The following NEGR1 variants were observed in gnomAD, a reference collection of about 807,000 sequenced individuals.
NEGR1 encodes IgLON family member 4.
In NEGR1, 10 loss-of-function variants were observed where a neutral mutation model predicts 40.9. The observed-to-expected ratio is 0.24, with a 90% CI of 0.15 to 0.42. The LOEUF (loss-of-function observed/expected upper bound fraction) is 0.42. Ranked by LOEUF, NEGR1 falls within the 10% of genes least tolerant of loss-of-function variation. The pLI, the probability that NEGR1 is intolerant of heterozygous loss-of-function variation, is 1.00. For synonymous variants in NEGR1, 185 were observed against 166.8 expected (o/e 1.11, Z -0.84); for missense variants, 352 against 438.9 (o/e 0.80, Z 1.77).
chr1:72,086,821 T>C (rs1279699611), intron 1 of NEGR1, among the ~76,000 whole-genome samples: 2 of 152,198 alleles, frequency 1.3e-5, no homozygotes, highest in African/African-American at 4.8e-5. Context: ...CTTTTTAAAG[T>C]ATTTATTAAT....
At chr1:72,203,051 A>G (rs751973978) in intron 1 of NEGR1, among the ~76,000 whole-genome samples, 3 of 152,034 alleles carry the variant, frequency 2.0e-5, no homozygotes, top group Non-Finnish European at 4.4e-5. Flanking sequence ...GTACAAAGAG[A>G]TTAATATTGT....
At chr1:71,586,347 C>T (rs144100071) in intron 6 of NEGR1, among the ~76,000 whole-genome samples, 2 of 152,274 alleles carry the variant, frequency 1.3e-5, no homozygotes, top group African/African-American at 4.8e-5. Context: ...GGCTTCAAGG[C>T]CGCTATGTAA....
chr1:71,603,863 GT>G (rs1649996697), intron 5 of NEGR1, among the ~76,000 whole-genome samples: 1 of 152,080 alleles, frequency 6.6e-6, no homozygotes, highest in African/African-American at 2.4e-5. Context: ...AATATTGTTA[GT>G]TTTTGCTAAT....
At chr1:71,739,091 C>T (rs2101673832) in intron 3 of NEGR1, among the ~76,000 whole-genome samples, 1 of 147,826 alleles carries the variant, frequency 6.8e-6, no homozygotes, top group East Asian at 2.1e-4. Flanking sequence ...AGCCTGTTGC[C>T]AAAGGAAATT....
intron 1 of NEGR1, among the ~76,000 whole-genome samples, chr1:72,239,700 A>G (rs1654672670): frequency 6.6e-6 from 1 of 151,744 alleles, no homozygotes; most frequent in Non-Finnish European, 1.5e-5. Context: ...AAAATTGCCT[A>G]ACAGCTTTCC....
intron 1 of NEGR1, among the ~76,000 whole-genome samples, chr1:72,153,774 T>C (rs1478894778): frequency 6.6e-6 from 1 of 151,770 alleles, no homozygotes; most frequent in Non-Finnish European, 1.5e-5. Context: ...GAAAAGATAC[T>C]GAAGTAGACT....
chr1:71,915,308 G>A (rs540646093), intron 2 of NEGR1, among the ~76,000 whole-genome samples: 1 of 151,958 alleles, frequency 6.6e-6, no homozygotes, highest in African/African-American at 2.4e-5. Context: ...CATCACTAAA[G>A]AATAGAAAAA....
rs539031580 is a variant in NEGR1, at chr1:71,401,845, C to A, written c.*5601G>T. The A allele has an allele frequency of 6.6e-6, 1 of 152,258 alleles. No homozygotes were observed. Among genetic ancestry groups the A allele is most frequent in the African/African-American group, 2.4e-5 (1 of 41,560 alleles). The allele number at this position is 152,258 out of a possible 1,614,324, so 9.4% of individuals were successfully genotyped here. A position where few individuals can be genotyped will look rare whatever the true frequency, so the allele number is the denominator to read the frequency against. On this transcript the variant is annotated 3_prime_UTR_variant, in exon 7 of 7. Transcript: ENST00000357731. ...TCCACTTGGTGTGACCAGTCTCATA[C>A]AACCCAAGGCTGTGTGTCCAAAGGC...
chr1:72,203,126 A>T (rs1226711329), intron 1 of NEGR1, among the ~76,000 whole-genome samples: 1 of 152,100 alleles, frequency 6.6e-6, no homozygotes, highest in East Asian at 1.9e-4. Context: ...TTTGACATTC[A>T]AATCTTATAA....
At chr1:72,195,135 A>T (rs2100436015) in intron 1 of NEGR1, among the ~76,000 whole-genome samples, 1 of 152,170 alleles carries the variant, frequency 6.6e-6, no homozygotes, top group East Asian at 1.9e-4. Context: ...TAGCCATTGA[A>T]ACAAGCCAAT....
chr1:71,963,408 G>T (rs777177983), intron 1 of NEGR1, among the ~76,000 whole-genome samples: 1 of 152,130 alleles, frequency 6.6e-6, no homozygotes, highest in Non-Finnish European at 1.5e-5. Flanking sequence ...GTGGAGGTTG[G>T]TTGGTCTTTT....
chr1:71,956,588 A>C (rs1646121637), intron 1 of NEGR1, among the ~76,000 whole-genome samples: 1 of 152,118 alleles, frequency 6.6e-6, no homozygotes, highest in Admixed American at 6.6e-5. Flanking sequence ...TGAGAAACAA[A>C]AATCAATGTT....
intron 3 of NEGR1, among the ~76,000 whole-genome samples, chr1:71,712,963 G>A (rs1355743510): frequency 2.0e-5 from 3 of 152,166 alleles, no homozygotes; most frequent in Non-Finnish European, 2.9e-5. Context: ...CATGCTTCCT[G>A]TACAGCCTGT....
chr1:71,917,937 G>A (rs1046725526), intron 2 of NEGR1, among the ~76,000 whole-genome samples: 1 of 151,310 alleles, frequency 6.6e-6, no homozygotes, highest in South Asian at 2.1e-4. Flanking sequence ...AACACATCAT[G>A]CCTGGCGTGG....
chr1:71,914,982 A>C (rs1007036279), intron 2 of NEGR1, among the ~76,000 whole-genome samples: 1 of 151,986 alleles, frequency 6.6e-6, no homozygotes, highest in Admixed American at 6.6e-5. Flanking sequence ...TTTGTTTATA[A>C]AGTCTTTTGG....
intron 3 of NEGR1, among the ~76,000 whole-genome samples, chr1:71,762,405 G>C (rs538938424): frequency 6.6e-6 from 1 of 151,980 alleles, no homozygotes. Context: ...TGCATATGTT[G>C]TATCAACTAT....
chr1:71,595,453 G>A (rs1649664781), intron 5 of NEGR1, among the ~76,000 whole-genome samples: 1 of 152,196 alleles, frequency 6.6e-6, no homozygotes, highest in Non-Finnish European at 1.5e-5. Flanking sequence ...CTGGAAGAAG[G>A]ACTTTGCAAA....
chr1:72,155,012 C>T (rs1051532354), intron 1 of NEGR1, among the ~76,000 whole-genome samples: 6 of 151,970 alleles, frequency 3.9e-5, no homozygotes, highest in Non-Finnish European at 8.8e-5. Context: ...GAAAAAAATA[C>T]ATGGTAGAAA....
At chr1:71,578,107 C>A (rs1649019765) in intron 6 of NEGR1, among the ~76,000 whole-genome samples, 1 of 152,048 alleles carries the variant, frequency 6.6e-6, no homozygotes, top group Non-Finnish European at 1.5e-5. Context: ...TTTCTCACAC[C>A]CATCAGTTAG....
Sources: gnomAD v4.1 joint callset for allele counts (sites outside exome capture counted in the v4.1 genomes callset) on GRCh38, gnomAD v4.1.1 for gene constraint, MANE v1.5 for transcripts, NCBI Gene and HGNC (gene_info 2026-07-23, HGNC 2026-07-21) for gene names.